UBQLN1: variants seen among roughly 807,000 people sequenced by gnomAD.
The protein encoded by UBQLN1 is ubiquilin 1.
A neutral mutation model predicts 65.4 loss-of-function variants in UBQLN1; 13 were observed. The ratio of observed to expected loss-of-function variants is 0.20; its 90% CI spans 0.13 to 0.32. The LOEUF is 0.32. UBQLN1 is among the 10% of genes least tolerant of loss of function. The pLI is 1.00. For missense variants in UBQLN1, 561 were observed against 724.0 expected, an observed-to-expected ratio of 0.77 and a Z score of 2.58; for synonymous variants, 267 against 247.8, an observed-to-expected ratio of 1.08 and a Z score of -0.73.
chr9:83,695,259 C>T (rs916230990), intron 1 of UBQLN1, among the ~76,000 whole-genome samples: 7 of 146,240 alleles, frequency 4.8e-5, no homozygotes, highest in East Asian at 4.5e-4. Context: ...AGTACAGTGG[C>T]GCCATCTTGG....
chr9:83,678,322 C>T, intron 5 of UBQLN1, 119 bp downstream of exon 5: 1 of 1,313,266 alleles, frequency 7.6e-7, no homozygotes, highest in East Asian at 2.4e-5. Flanking sequence ...CACCCGGCCA[C>T]TGAACTTTTT....
intron 2 of UBQLN1, among the ~76,000 whole-genome samples, chr9:83,685,554 C>T (rs903986593): frequency 6.6e-5 from 10 of 151,342 alleles, no homozygotes; most frequent in Admixed American, 2.0e-4. Context: ...CCTACAGTCC[C>T]AGGCTGACAT....
chr9:83,678,324 G>T (rs1831877824), intron 5 of UBQLN1, 117 bp downstream of exon 5: 1 of 1,329,700 alleles, frequency 7.5e-7, no homozygotes. Context: ...CCCGGCCACT[G>T]AACTTTTTAA....
chr9:83,667,973 T>C (rs1831669700), intron 7 of UBQLN1: 1 of 985,236 alleles, frequency 1.0e-6, no homozygotes, highest in African/African-American at 1.7e-5. Context: ...AGTAAGATTA[T>C]TACAAAATTG....
rs750268209 is a variant in UBQLN1, at chr9:83,697,551, CAAAAAAAAAAA to C, written c.180+9938_180+9948del. 3.8e-3 allele frequency among the ~76,000 whole-genome samples: 130 copies of C among 34,474 alleles called. 1 individual carries two copies. Among genetic ancestry groups the C allele is most frequent in the South Asian group, 6.1e-3 (3 of 490 alleles). The allele number at this position is 34,474 out of a possible 152,430, so 22.6% of individuals were successfully genotyped here. A position where few individuals can be genotyped will look rare whatever the true frequency, so the allele number is the denominator to read the frequency against. On this transcript the variant is annotated intron_variant, in intron 1 of 10. Coordinates refer to ENST00000376395, the MANE Select transcript of UBQLN1 (RefSeq NM_013438.5). ...GGGGCAACAGTGCAAGACACTGTCT[CAAAAAAAAAAA>C]AAAAAAAAAAAAAAAGACAGTTTCC... is the stretch of plus-strand genomic sequence containing the variant.
chr9:83,691,198 CATATAT>C (rs10580448), intron 1 of UBQLN1, among the ~76,000 whole-genome samples: 2 of 150,040 alleles, frequency 1.3e-5, no homozygotes, highest in African/African-American at 4.9e-5. Flanking sequence ...ACATATAATA[CATATAT>C]ATATATATGC....
chr9:83,698,107 AT>A (rs1832250416), intron 1 of UBQLN1, among the ~76,000 whole-genome samples: 1 of 152,232 alleles, frequency 6.6e-6, no homozygotes, highest in African/African-American at 2.4e-5. Context: ...TTTTAAAAAA[AT>A]ATAATGCATC....
chr9:83,678,659 A>C, intron 4 of UBQLN1, 60 bp from the exon 5 acceptor site: 1 of 1,509,296 alleles, frequency 6.6e-7, no homozygotes, highest in Non-Finnish European at 9.0e-7. Flanking sequence ...CATGAATTAC[A>C]TTAATTACTT....
In UBQLN1 at chr9:83,686,122, G is replaced by A; in HGVS notation, c.214C>T (p.His72Tyr). ...AATATCAACACAAGTTGGTCAGTAT[G>A]TGATTTAAAACGTTTAGAGATTTCT... ...KEEISKRFKS[H>Y]TDQLVLIFAG... The change falls in exon 2 of 11, where the codon CAT (histidine) becomes TAT (tyrosine). Residue 72 changes from histidine to tyrosine, a missense_variant. By Grantham distance (83) the His-to-Tyr change is moderately conservative (BLOSUM62 2). This residue lies in a region of UBQLN1 where 101 missense variants were observed against 104.9 expected (regional missense o/e 0.96). Transcript: ENST00000376395. 6.3e-7 allele frequency: 1 copy of A among 1,587,188 alleles called. No homozygotes were observed. Among genetic ancestry groups the A allele is most frequent in the Non-Finnish European group, 8.5e-7 (1 of 1,170,752 alleles).
At position 83,663,731 on chromosome 9, in the gene UBQLN1, C is replaced by T. The variant is rs569245842; in HGVS notation, c.1617+144G>A. ...TTTTTGTAATGCCTGTTTTCTTACT[C>T]AATATCCTTAAGACTGTATTTTTCA... is the stretch of plus-strand genomic sequence containing the variant. On this transcript the variant is annotated intron_variant, in intron 10 of 10. Transcript: ENST00000376395. 22 of 814,130 alleles carry T rather than the reference C, an allele frequency of 2.7e-5. 1 individual carries two copies. The South Asian group carries it at 6.0e-4, about 22-fold the overall frequency. The allele number at this position is 814,130 out of a possible 1,614,324, so 50.4% of individuals were successfully genotyped here.
At chr9:83,666,571 A>AAG (rs1831647273) in intron 7 of UBQLN1, 138 bp from the exon 8 acceptor site, 1 of 741,302 alleles carries the variant, frequency 1.3e-6, no homozygotes, top group Non-Finnish European at 2.2e-6. Context: ...AAAAAAGGAA[A>AAG]AGGGAAGATA....
intron 1 of UBQLN1, among the ~76,000 whole-genome samples, chr9:83,686,579 T>C (rs1217094266): frequency 6.6e-6 from 1 of 152,088 alleles, no homozygotes; most frequent in Non-Finnish European, 1.5e-5. Flanking sequence ...CTTCCCAATA[T>C]CCTTATTCTT....
Position 83,682,939 on chromosome 9 carries a change from A to C in UBQLN1, c.448+12T>G. On this transcript the variant is annotated intron_variant, in intron 3 of 10. Coordinates refer to ENST00000376395, the MANE Select transcript of UBQLN1 (RefSeq NM_013438.5). ...TTTTCCCATCCCTACTGGAATGACT[A>C]AAGACACTTACCTAAACCAAAAGGG... The C allele has an allele frequency of 6.4e-7, 1 of 1,552,824 alleles. No homozygotes were observed. The highest frequency in any genetic ancestry group is 8.9e-7 in the Non-Finnish European group (1 of 1,128,498).
intron 1 of UBQLN1, among the ~76,000 whole-genome samples, chr9:83,699,540 G>A (rs1832277027): frequency 6.6e-6 from 1 of 152,054 alleles, no homozygotes. Context: ...CCAGGAGGTG[G>A]GGGCTGCAGT....
Position 83,678,464 on chromosome 9 carries a change from T to A in UBQLN1, c.847A>T (p.Met283Leu). 1.2e-6 allele frequency: 2 copies of A among 1,613,438 alleles called. No individual in the cohort carries two copies. Among genetic ancestry groups the A allele is most frequent in the Non-Finnish European group, 1.7e-6 (2 of 1,179,754 alleles). Residue 283 changes from methionine to leucine, a missense_variant, in exon 5 of 11, where the codon ATG (methionine) becomes TTG (leucine). Met to Leu is a conservative substitution (Grantham distance 15). Around this residue, in one of 8 missense-constraint regions of UBQLN1, gnomAD observed 75 missense variants for 138.9 expected, o/e 0.54. Transcript: ENST00000376395. ...RRMYTDIQEPMLSAAQEQFGG... is the reference protein window; with the variant it reads ...RRMYTDIQEPLLSAAQEQFGG... ...ACCTGCTCTTGTGCAGCACTCAGCA[T>A]TGGTTCCTGAATATCTGTGTACATG... is the stretch of plus-strand genomic sequence containing the variant.
intron 1 of UBQLN1, among the ~76,000 whole-genome samples, chr9:83,691,658 C>A (rs1203301585): frequency 2.6e-5 from 4 of 152,204 alleles, no homozygotes; most frequent in African/African-American, 4.8e-5. Flanking sequence ...TTCACATTCA[C>A]TCCTTACAAC....
rs571074944 is a variant in UBQLN1 at position 83,670,217 on chromosome 9, A to G, written c.1106-890T>C. On this transcript the variant is annotated intron_variant, in intron 6 of 10. Coordinates refer to ENST00000376395, the MANE Select transcript of UBQLN1 (RefSeq NM_013438.5). ...ACTCAAATATATTCTCAAACTTACTATGCCAAGTCAACTCATTAGGTTTTT... is the reference window on the plus strand; with the variant it reads ...ACTCAAATATATTCTCAAACTTACTGTGCCAAGTCAACTCATTAGGTTTTT... Among the ~76,000 whole-genome samples the G allele has an allele frequency of 3.7e-4, 56 of 152,118 alleles. No homozygotes were observed. In the Middle Eastern group the frequency reaches 0.01, roughly 28 times the overall value.
chr9:83,667,813 T>C (rs1231721578), intron 7 of UBQLN1: 2 of 974,678 alleles, frequency 2.1e-6, no homozygotes, highest in African/African-American at 3.5e-5. Flanking sequence ...ATCAAAAGAA[T>C]AGAAAAACCA....
chr9:83,687,988 A>G (rs1157649495), intron 1 of UBQLN1, among the ~76,000 whole-genome samples: 1 of 152,168 alleles, frequency 6.6e-6, no homozygotes. Flanking sequence ...AACTAACAGA[A>G]AATCTTCACA....
Sources: allele counts gnomAD v4.1 joint callset (sites outside exome capture counted in the v4.1 genomes callset), GRCh38; gene constraint gnomAD v4.1.1; regional missense constraint gnomAD v4.1.1; transcripts MANE v1.5; gene names NCBI Gene and HGNC (gene_info 2026-07-23, HGNC 2026-07-21).